The following NEB variants were observed in gnomAD, a reference collection of about 807,000 sequenced individuals.
NEB encodes the protein nebulin.
NEB carries 512 observed loss-of-function variants against 952.2 expected under a neutral mutation model. That is an observed-to-expected ratio of 0.54 (90% CI 0.50 to 0.58). The LOEUF is 0.58. NEB is among the 20% of genes least tolerant of loss of function. The probability of loss-of-function intolerance (pLI) is 0.00; values close to 1 mark genes in which losing one functional copy is unlikely to be tolerated. For missense variants in NEB, 8,428 were observed against 9,231.1 expected, an observed-to-expected ratio of 0.91 and a Z score of 3.56; for synonymous variants, 2,900 against 3,149.8, an observed-to-expected ratio of 0.92 and a Z score of 2.66.
intron 120 of NEB, 89 bp from the exon 121 acceptor site, chr2:151,562,303 C>T (rs1295820565): frequency 8.7e-7 from 1 of 1,147,282 alleles, no homozygotes; most frequent in East Asian, 2.3e-5. Context: ...GTTGGCTGTG[C>T]TTATTGCTTA....
chr2:151,524,893 C>G (rs894961674), intron 151 of NEB, among the ~76,000 whole-genome samples: 7 of 151,960 alleles, frequency 4.6e-5, no homozygotes, highest in African/African-American at 1.7e-4. Flanking sequence ...GTCTCGAACT[C>G]CTGACCTCGT....
intron 161 of NEB, among the ~76,000 whole-genome samples, chr2:151,512,003 A>T (rs1208828538): frequency 6.9e-6 from 1 of 144,312 alleles, no homozygotes; most frequent in Non-Finnish European, 1.5e-5. Context: ...CCTGCATCAT[A>T]GGTTACCCTC....
At chr2:151,684,668 A>G (rs1041164522) in intron 28 of NEB, 110 bp downstream of exon 28, 43 of 1,058,926 alleles carry the variant, frequency 4.1e-5, no homozygotes, top group Non-Finnish European at 5.3e-5. Flanking sequence ...GCTTACATAC[A>G]TAGGACAATG....
At chr2:151,659,215 G>T in intron 46 of NEB, 46 bp from the exon 47 acceptor site, 1 of 1,282,144 alleles carries the variant, frequency 7.8e-7, no homozygotes, top group Non-Finnish European at 1.1e-6. Context: ...CTTAAAAGAA[G>T]CTCACTTAGT....
chr2:151,529,101 G>T, intron 146 of NEB, 109 bp downstream of exon 146: 1 of 753,720 alleles, frequency 1.3e-6, no homozygotes, highest in East Asian at 2.5e-5. Context: ...CTCTTGCTTT[G>T]GAATCAATCA....
Position 151,684,888 on chromosome 2 carries a change from G to A in NEB, c.2725C>T (p.Gln909Ter). 6.2e-7 allele frequency: 1 copy of A among 1,613,340 alleles called. No homozygotes were observed. Among genetic ancestry groups the A allele is most frequent in the Non-Finnish European group, 8.5e-7 (1 of 1,179,556 alleles). The change falls in exon 28 of 182, where the codon CAG (glutamine) becomes TAG (stop). Residue 909 changes from glutamine to a stop codon, truncating the protein, a stop_gained. Transcript: ENST00000397345. LOFTEE classifies it high-confidence loss of function. ...MLQVTQAKKS[Q>*]AIASDVDYKH... ...TAATCAACGTCGCTGGCAATTGCCT[G>A]AGATTTCTTAGCTTGAGTGACTTGG...
At chr2:151,518,932 CA>C in intron 155 of NEB, 32 bp downstream of exon 155, 1 of 1,483,030 alleles carries the variant, frequency 6.7e-7, no homozygotes, top group South Asian at 1.1e-5. Context: ...ATGGGTAAAA[CA>C]AGCTGTTTCT....
intron 54 of NEB, among the ~76,000 whole-genome samples, chr2:151,647,367 C>T (rs1217883648): frequency 6.6e-6 from 1 of 152,088 alleles, no homozygotes; most frequent in Non-Finnish European, 1.5e-5. Flanking sequence ...GCCTCGGCCT[C>T]CCAAAGTGCT....
At chr2:151,561,530 C>A (rs1186614617) in intron 121 of NEB, among the ~76,000 whole-genome samples, 1 of 151,234 alleles carries the variant, frequency 6.6e-6, no homozygotes, top group Non-Finnish European at 1.5e-5. Flanking sequence ...CATTTTGTTG[C>A]CTTTTCCATG....
At position 151,485,537 on chromosome 2, in the gene NEB, A is replaced by G; in HGVS notation, c.*223T>C. On this transcript the variant is annotated 3_prime_UTR_variant, in exon 182 of 182. Transcript: ENST00000397345. ...TAATGTTAAAACATGTTTATAATGGAGAAAGACTCTAGGCACAGAAATAAT... is the reference window on the plus strand; with the variant it reads ...TAATGTTAAAACATGTTTATAATGGGGAAAGACTCTAGGCACAGAAATAAT... 2 of 397,460 alleles carry G rather than the reference A, an allele frequency of 5.0e-6. No homozygotes were observed. 24.6% of individuals were successfully genotyped at this position (397,460 alleles called of 1,614,324 possible).
At chr2:151,574,904 T>G (rs2096778090) in intron 107 of NEB, among the ~76,000 whole-genome samples, 1 of 151,908 alleles carries the variant, frequency 6.6e-6, no homozygotes, top group Admixed American at 6.6e-5. Context: ...ACTAATTTAT[T>G]TATTTTTTAT....
rs1045169458 is a variant in NEB at position 151,514,367 on chromosome 2, T to C, written c.23078A>G (p.Asp7693Gly). The change falls in exon 159 of 182, where the codon GAT becomes GGT. Residue 7693 changes from aspartate to glycine, a missense_variant. Around this residue, in one of 11 missense-constraint regions of NEB, gnomAD observed 3,374 missense variants for 3,651.5 expected, o/e 0.92. Coordinates refer to ENST00000397345, the MANE Select transcript of NEB (RefSeq NM_001164508.2). ...CTTTGCTCTTAGCATGTCAGGTGTA[T>C]CTTCCATTTCAGTGAGGCCCTTCCC... Reference protein sequence around the residue: ...IRGKGLTEMEDTPDMLRAKNA... With the variant: ...IRGKGLTEMEGTPDMLRAKNA... 12 of 1,613,880 alleles carry C rather than the reference T, an allele frequency of 7.4e-6. No individual in the cohort carries two copies. The highest frequency in any genetic ancestry group is 1.0e-5 in the Non-Finnish European group (12 of 1,179,778).
chr2:151,497,325 T>C, intron 171 of NEB: 1 of 979,970 alleles, frequency 1.0e-6, no homozygotes, highest in East Asian at 1.1e-4. Flanking sequence ...TCCTAAACAA[T>C]TATATGAGGA....
chr2:151,658,459 C>T (rs962863020), intron 47 of NEB, among the ~76,000 whole-genome samples: 19 of 151,844 alleles, frequency 1.3e-4, no homozygotes, highest in African/African-American at 4.3e-4. Context: ...TTAGAATCAG[C>T]ACTTTTATTT....
chr2:151,693,328 C>T (rs902887111), intron 20 of NEB, among the ~76,000 whole-genome samples: 3 of 152,018 alleles, frequency 2.0e-5, no homozygotes, highest in Non-Finnish European at 4.4e-5. Context: ...CATAGGGAAG[C>T]GTGTGCCATG....
intron 135 of NEB, among the ~76,000 whole-genome samples, chr2:151,543,190 G>A (rs2094293930): frequency 6.6e-6 from 1 of 152,150 alleles, no homozygotes; most frequent in African/African-American, 2.4e-5. Flanking sequence ...AATAATAGTT[G>A]CTAATAAATG....
intron 181 of NEB, 118 bp from the exon 182 acceptor site, chr2:151,486,051 A>G: frequency 9.8e-7 from 1 of 1,023,412 alleles, no homozygotes; most frequent in Non-Finnish European, 1.4e-6. Context: ...ACAAAAGAGA[A>G]TGTGCAAGCA....
chr2:151,643,035 C>A (rs1440241218), intron 58 of NEB, 115 bp downstream of exon 58: 2 of 1,251,614 alleles, frequency 1.6e-6, no homozygotes, highest in Non-Finnish European at 2.2e-6. Flanking sequence ...TACTTTAAAA[C>A]CACATTAGTA....
chr2:151,502,803 T>G lies in NEB; in HGVS notation c.23918A>C (p.Asn7973Thr). Reference protein sequence around the residue: ...EMERVKRNQENFSSILYKENL... With the variant: ...EMERVKRNQETFSSILYKENL... ...CCCCCTAAGAAATACCGAGCTAAAG[T>G]TCTCTTGATTGCGTTTGACTCTCTC... The change falls in exon 167 of 182, where the codon AAC (asparagine) becomes ACC (threonine). Residue 7973 changes from asparagine to threonine, a missense_variant. Physicochemically the swap from Asn to Thr is moderately conservative, Grantham distance 65. Transcript: ENST00000397345. The G allele has an allele frequency of 6.3e-7, 1 of 1,599,936 alleles. No individual in the cohort carries two copies. The highest frequency in any genetic ancestry group is 2.2e-5 in the East Asian group (1 of 44,700).
Sources: gnomAD v4.1 joint callset for allele counts (sites outside exome capture counted in the v4.1 genomes callset) on GRCh38, gnomAD v4.1.1 for gene constraint, gnomAD v4.1.1 regional missense constraint, MANE v1.5 for transcripts, NCBI Gene and HGNC (gene_info 2026-07-23, HGNC 2026-07-21) for gene names.